The following NALF1 variants were observed in gnomAD, a reference collection of about 807,000 sequenced individuals.
NALF1 encodes family with sequence similarity 155 member A.
A neutral mutation model predicts 48.4 loss-of-function variants in NALF1; 3 were observed. The observed-to-expected ratio is 0.06, with a 90% CI of 0.03 to 0.16. The LOEUF is 0.16. NALF1 is among the 10% of genes least tolerant of loss of function. NALF1 has a pLI of 1.00. For synonymous variants in NALF1, 262 were observed against 245.7 expected (o/e 1.07, Z -0.62); for missense variants, 526 against 571.5 (o/e 0.92, Z 0.81).
At chr13:107,729,927 T>C (rs994981781) in intron 1 of NALF1, among the ~76,000 whole-genome samples, 1 of 152,232 alleles carries the variant, frequency 6.6e-6, no homozygotes, top group Non-Finnish European at 1.5e-5. Flanking sequence ...CTACCAAAAA[T>C]ATTTATTGAG....
chr13:107,557,463 G>GCAGT (rs1421996220), intron 1 of NALF1, among the ~76,000 whole-genome samples: 2 of 152,106 alleles, frequency 1.3e-5, no homozygotes, highest in Non-Finnish European at 2.9e-5. Flanking sequence ...AGAGCCAGGA[G>GCAGT]CAGTCCAGCA....
intron 1 of NALF1, among the ~76,000 whole-genome samples, chr13:107,504,598 A>G (rs1875637100): frequency 6.6e-6 from 1 of 152,220 alleles, no homozygotes; most frequent in South Asian, 2.1e-4. Flanking sequence ...TGTTTGTAAC[A>G]TAAAGTTCAA....
intron 1 of NALF1, among the ~76,000 whole-genome samples, chr13:107,660,020 C>T (rs1029016821): frequency 3.3e-5 from 5 of 151,982 alleles, no homozygotes; most frequent in Admixed American, 6.6e-5. Context: ...CATGAGCCAC[C>T]GCACCTGGCC....
chr13:107,283,839 T>C (rs1278963115), intron 1 of NALF1, among the ~76,000 whole-genome samples: 2 of 151,884 alleles, frequency 1.3e-5, no homozygotes, highest in Non-Finnish European at 2.9e-5. Context: ...TTTGTATTTT[T>C]AGTAGAGACG....
rs962600947 is a variant in NALF1, at chr13:107,554,188, G to T, written c.915+311494C>A. Reference sequence around the variant, plus strand: ...AGCTGAGCCCGGAGCCGAACTCGAGGCTGTGCCACAAGATGCAGCTGATGG... The same window carrying T: ...AGCTGAGCCCGGAGCCGAACTCGAGTCTGTGCCACAAGATGCAGCTGATGG... On this transcript the variant is annotated intron_variant, in intron 1 of 2. Transcript: ENST00000375915. Among the ~76,000 whole-genome samples the T allele has an allele frequency of 3.9e-5, 6 of 152,178 alleles. No individual in the cohort carries two copies. The South Asian group carries it at 1.2e-3, about 31-fold the overall frequency.
chr13:107,612,733 C>T (rs1444693164), intron 1 of NALF1, among the ~76,000 whole-genome samples: 2 of 152,140 alleles, frequency 1.3e-5, no homozygotes, highest in Non-Finnish European at 2.9e-5. Context: ...GGCACTGGCC[C>T]TCCTGGTTCT....
At chr13:107,504,821 C>T (rs1477686470) in intron 1 of NALF1, among the ~76,000 whole-genome samples, 1 of 152,148 alleles carries the variant, frequency 6.6e-6, no homozygotes, top group Non-Finnish European at 1.5e-5. Context: ...AAAAGATCAT[C>T]CTGGGTGAAG....
At chr13:107,636,002 T>C (rs934998476) in intron 1 of NALF1, among the ~76,000 whole-genome samples, 2 of 152,112 alleles carry the variant, frequency 1.3e-5, no homozygotes, top group Non-Finnish European at 1.5e-5. Flanking sequence ...GAGAAAAGTA[T>C]TTTATGGAAG....
chr13:107,289,541 A>G (rs948615232), intron 1 of NALF1, among the ~76,000 whole-genome samples: 1 of 152,212 alleles, frequency 6.6e-6, no homozygotes, highest in East Asian at 1.9e-4. Context: ...TACATTATAT[A>G]TGTCTACACA....
At chr13:107,501,950 TA>T (rs1406787553) in intron 1 of NALF1, among the ~76,000 whole-genome samples, 1 of 152,190 alleles carries the variant, frequency 6.6e-6, no homozygotes, top group Non-Finnish European at 1.5e-5. Context: ...TCCTCTCATT[TA>T]AAAGGACTGA....
At chr13:107,801,833 T>G (rs867266667) in intron 1 of NALF1, among the ~76,000 whole-genome samples, 2 of 151,778 alleles carry the variant, frequency 1.3e-5, no homozygotes, top group Admixed American at 1.3e-4. Flanking sequence ...AGTCGCCTTC[T>G]TCCTTCCCCT....
At chr13:107,403,101 T>C (rs547101023) in intron 1 of NALF1, among the ~76,000 whole-genome samples, 9 of 151,176 alleles carry the variant, frequency 6.0e-5, no homozygotes, top group Non-Finnish European at 1.2e-4. Flanking sequence ...ACTTGATGGA[T>C]TGCAGCTTTT....
chr13:107,717,412 C>T (rs994349914), intron 1 of NALF1, among the ~76,000 whole-genome samples: 1 of 152,128 alleles, frequency 6.6e-6, no homozygotes, highest in Admixed American at 6.5e-5. Flanking sequence ...ACCCAGCAAG[C>T]TCTGGTTTAA....
At chr13:107,449,491 G>A (rs1884705900) in intron 1 of NALF1, among the ~76,000 whole-genome samples, 1 of 152,292 alleles carries the variant, frequency 6.6e-6, no homozygotes, top group African/African-American at 2.4e-5. Context: ...AAGAATAAAA[G>A]TGAGGCGTTT....
intron 1 of NALF1, among the ~76,000 whole-genome samples, chr13:107,217,286 C>T (rs1160050976): frequency 1.3e-5 from 2 of 152,104 alleles, no homozygotes; most frequent in Admixed American, 6.5e-5. Flanking sequence ...GAACAGCTTC[C>T]GGAAATGCCA....
intron 1 of NALF1, among the ~76,000 whole-genome samples, chr13:107,760,032 T>C (rs1017952090): frequency 2.0e-5 from 3 of 152,226 alleles, no homozygotes; most frequent in Non-Finnish European, 1.5e-5. Context: ...TTAGTTTTCA[T>C]TCCAATATAC....
chr13:107,661,994 T>TA (rs1205795978), intron 1 of NALF1, among the ~76,000 whole-genome samples: 3 of 152,332 alleles, frequency 2.0e-5, no homozygotes, highest in African/African-American at 4.8e-5. Context: ...TATTAACACT[T>TA]ACTTCTGCTC....
At chr13:107,368,099 C>A (rs1281028011) in intron 1 of NALF1, among the ~76,000 whole-genome samples, 1 of 152,102 alleles carries the variant, frequency 6.6e-6, no homozygotes, top group Non-Finnish European at 1.5e-5. Flanking sequence ...TAATTTGGCT[C>A]TTTATACCTC....
At position 107,724,305 on chromosome 13, in the gene NALF1, T is replaced by A. The variant is rs143639603; in HGVS notation, c.915+141377A>T. On this transcript the variant is annotated intron_variant, in intron 1 of 2. Coordinates refer to ENST00000375915, the MANE Select transcript of NALF1 (RefSeq NM_001080396.3). ...TTCATGCCTGCTTCACAATGTTAACTCATATTGCTAAAGTTTTACCTAATA... is the reference window on the plus strand; with the variant it reads ...TTCATGCCTGCTTCACAATGTTAACACATATTGCTAAAGTTTTACCTAATA... Among the ~76,000 whole-genome samples, 31 of 152,142 alleles carry A rather than the reference T, an allele frequency of 2.0e-4. No homozygotes were observed. The East Asian group carries it at 5.6e-3, about 28-fold the overall frequency.
Sources: gnomAD v4.1 joint callset for allele counts (sites outside exome capture counted in the v4.1 genomes callset) on GRCh38, gnomAD v4.1.1 for gene constraint, MANE v1.5 for transcripts, NCBI Gene and HGNC (gene_info 2026-07-23, HGNC 2026-07-21) for gene names.